KCNH5: variants seen among roughly 807,000 people sequenced by gnomAD.
KCNH5 encodes the protein potassium voltage-gated channel subfamily H member 5.
A neutral mutation model predicts 96.1 loss-of-function variants in KCNH5; 46 were observed. That is an observed-to-expected ratio of 0.48 (90% confidence interval 0.38 to 0.61). The LOEUF is 0.61. KCNH5 is among the 20% of genes least tolerant of loss of function. The probability of loss-of-function intolerance (pLI) is 0.00; values close to 1 mark genes in which losing one functional copy is unlikely to be tolerated. For synonymous variants in KCNH5, 439 were observed against 449.8 expected (o/e 0.98, Z 0.30); for missense variants, 907 against 1,225.8 (o/e 0.74, Z 3.88).
chr14:62,781,517 G>T (rs527459977), intron 9 of KCNH5, among the ~76,000 whole-genome samples: 1 of 152,134 alleles, frequency 6.6e-6, no homozygotes, highest in Admixed American at 6.5e-5. Context: ...CTGCAGTCTC[G>T]ACCGTAAGAG....
intron 1 of KCNH5, among the ~76,000 whole-genome samples, chr14:63,024,404 A>G (rs754414765): frequency 1.3e-5 from 2 of 151,996 alleles, no homozygotes; most frequent in Non-Finnish European, 1.5e-5. Context: ...CTAAGCCCAA[A>G]GTTAGTAGAA....
chr14:62,917,831 C>T (rs548827260), intron 7 of KCNH5, among the ~76,000 whole-genome samples: 1 of 152,182 alleles, frequency 6.6e-6, no homozygotes, highest in South Asian at 2.1e-4. Context: ...ATTGATTTTC[C>T]ACTGAAATTT....
At chr14:62,934,141 T>TC (rs1889632730) in intron 7 of KCNH5, among the ~76,000 whole-genome samples, 1 of 151,326 alleles carries the variant, frequency 6.6e-6, no homozygotes, top group South Asian at 2.1e-4. Flanking sequence ...TCTTTCTTTT[T>TC]TTTTTTTTGA....
intron 6 of KCNH5, 42 bp from the exon 7 acceptor site, chr14:62,950,601 G>T: frequency 7.3e-7 from 1 of 1,377,652 alleles, no homozygotes; most frequent in Non-Finnish European, 9.6e-7. Flanking sequence ...ACATTTTCAG[G>T]AAAAAAAAAG....
chr14:63,000,118 C>A (rs964558588), intron 4 of KCNH5, among the ~76,000 whole-genome samples: 7 of 152,036 alleles, frequency 4.6e-5, no homozygotes, highest in African/African-American at 1.2e-4. Context: ...AGAAACTGAG[C>A]AGATACAATA....
chr14:62,893,713 G>A (rs1462300791), intron 7 of KCNH5, among the ~76,000 whole-genome samples: 2 of 152,114 alleles, frequency 1.3e-5, no homozygotes, highest in Admixed American at 1.3e-4. Context: ...TCATGCCACT[G>A]CACTTCAGCC....
At chr14:63,003,822 GTGTTAACC>G (rs972322671) in intron 3 of KCNH5, among the ~76,000 whole-genome samples, 5 of 150,490 alleles carry the variant, frequency 3.3e-5, no homozygotes, top group Non-Finnish European at 5.9e-5. Flanking sequence ...GGGTTTCACC[GTGTTAACC>G]AGGATGGTCT....
At chr14:62,964,502 T>G (rs1303937079) in intron 6 of KCNH5, among the ~76,000 whole-genome samples, 1 of 152,000 alleles carries the variant, frequency 6.6e-6, no homozygotes, top group South Asian at 2.1e-4. Context: ...CAATTTAAAC[T>G]GTCCACATAT....
At chr14:62,970,108 A>C (rs1890379427) in intron 6 of KCNH5, among the ~76,000 whole-genome samples, 2 of 151,202 alleles carry the variant, frequency 1.3e-5, no homozygotes, top group African/African-American at 4.9e-5. Flanking sequence ...TAACGAAACA[A>C]GAGAGAGAGA....
chr14:62,897,549 A>G (rs1285212243), intron 7 of KCNH5, among the ~76,000 whole-genome samples: 1 of 152,142 alleles, frequency 6.6e-6, no homozygotes. Flanking sequence ...AACTGCACGG[A>G]TAAAGAGAAA....
chr14:62,756,196 T>C (rs548151668), intron 10 of KCNH5, among the ~76,000 whole-genome samples: 2 of 152,206 alleles, frequency 1.3e-5, no homozygotes, highest in East Asian at 3.9e-4. Flanking sequence ...AAAGTAATCC[T>C]ATTTATGATA....
chr14:62,972,029 C>G (rs1890417761), intron 6 of KCNH5, among the ~76,000 whole-genome samples: 1 of 152,078 alleles, frequency 6.6e-6, no homozygotes, highest in South Asian at 2.1e-4. Context: ...ATGTAAAATT[C>G]TGCTCTGCAA....
At chr14:62,743,821 TC>T (rs751701440) in intron 10 of KCNH5, among the ~76,000 whole-genome samples, 12 of 152,052 alleles carry the variant, frequency 7.9e-5, no homozygotes, top group Admixed American at 3.3e-4. Context: ...ACTGTGGAAG[TC>T]CCAGAAATTT....
intron 7 of KCNH5, among the ~76,000 whole-genome samples, chr14:62,938,707 A>T (rs776400308): frequency 2.0e-5 from 3 of 152,232 alleles, no homozygotes; most frequent in Non-Finnish European, 4.4e-5. Context: ...TTCACCTACC[A>T]GGTGACAGTG....
At position 62,965,080 on chromosome 14, in the gene KCNH5, T is replaced by G. The variant is rs185524794; in HGVS notation, c.943-14521A>C. On this transcript the variant is annotated intron_variant, in intron 6 of 10. Coordinates refer to ENST00000322893, the MANE Select transcript of KCNH5 (RefSeq NM_139318.5). Reference sequence around the variant, plus strand: ...ATAAAGGAGTACCTCAATATATATATAGAGAGAGAGAGGTGAATAGATGCA... The same window carrying G: ...ATAAAGGAGTACCTCAATATATATAGAGAGAGAGAGAGGTGAATAGATGCA... 5.9e-3 allele frequency among the ~76,000 whole-genome samples: 893 copies of G among 151,252 alleles called. 3 individuals are homozygous for G. The highest frequency in any genetic ancestry group is 0.018 in the African/African-American group (733 of 41,152).
intron 8 of KCNH5, among the ~76,000 whole-genome samples, chr14:62,824,601 T>G (rs1055329690): frequency 5.9e-5 from 9 of 152,146 alleles, no homozygotes; most frequent in Non-Finnish European, 1.3e-4. Flanking sequence ...ATTTATTTTT[T>G]ATGATTATTA....
chr14:62,959,092 C>G (rs1203857163), intron 6 of KCNH5, among the ~76,000 whole-genome samples: 1 of 152,110 alleles, frequency 6.6e-6, no homozygotes, highest in African/African-American at 2.4e-5. Context: ...CCTCACCCAA[C>G]CTACCTTAAA....
intron 3 of KCNH5, among the ~76,000 whole-genome samples, chr14:63,005,216 T>G (rs1891102303): frequency 6.6e-6 from 1 of 152,140 alleles, no homozygotes; most frequent in Admixed American, 6.5e-5. Context: ...TGATGTAAAA[T>G]GAAAAATAAG....
chr14:62,975,914 C>A lies in KCNH5; in HGVS notation c.942+4958G>T, dbSNP rs146697928. Among the ~76,000 whole-genome samples, 1,264 of 152,026 alleles carry A rather than the reference C, an allele frequency of 8.3e-3. 10 individuals carry two copies. The highest frequency in any genetic ancestry group is 0.015 in the Admixed American group (222 of 15,268). On this transcript the variant is annotated intron_variant, in intron 6 of 10. Coordinates refer to ENST00000322893, the MANE Select transcript of KCNH5 (RefSeq NM_139318.5). ...TATACACTACTCATAAAATATATAT[C>A]CAGAAATATACGGATCAAATACACA...
Sources: gnomAD v4.1 joint callset for allele counts (sites outside exome capture counted in the v4.1 genomes callset) on GRCh38, gnomAD v4.1.1 for gene constraint, MANE v1.5 for transcripts, NCBI Gene and HGNC (gene_info 2026-07-23, HGNC 2026-07-21) for gene names.